The following PTPRG variants were observed in gnomAD, a reference collection of about 807,000 sequenced individuals.
PTPRG encodes receptor-type tyrosine-protein phosphatase gamma.
A neutral mutation model predicts 165.3 loss-of-function variants in PTPRG; 102 were observed. The observed-to-expected ratio is 0.62, with a 90% CI of 0.53 to 0.73. PTPRG has a LOEUF of 0.73. Ranked by LOEUF, PTPRG falls within the 30% of genes least tolerant of loss-of-function variation. The pLI is 0.00. For synonymous variants in PTPRG, 675 were observed against 669.5 expected, an observed-to-expected ratio of 1.01 and a Z score of -0.13; for missense variants, 1,866 against 1,861.4, an observed-to-expected ratio of 1.00 and a Z score of -0.05.
chr3:62,235,026 A>C (rs1700996061), intron 14 of PTPRG, among the ~76,000 whole-genome samples: 1 of 152,098 alleles, frequency 6.6e-6, no homozygotes, highest in Non-Finnish European at 1.5e-5. Context: ...TTAGATCCTT[A>C]AAATATCACT....
intron 5 of PTPRG, among the ~76,000 whole-genome samples, chr3:62,128,072 T>C (rs1219680932): frequency 6.6e-6 from 1 of 152,238 alleles, no homozygotes; most frequent in Admixed American, 6.5e-5. Context: ...CTATATACTT[T>C]GGTTGTATCT....
intron 10 of PTPRG, among the ~76,000 whole-genome samples, chr3:62,199,374 A>C (rs1700043698): frequency 6.6e-6 from 1 of 152,154 alleles, no homozygotes; most frequent in African/African-American, 2.4e-5. Context: ...GGCAGGGGGC[A>C]TGTACACATG....
chr3:61,995,638 CAT>C (rs1208852746), intron 3 of PTPRG, among the ~76,000 whole-genome samples: 1 of 151,336 alleles, frequency 6.6e-6, no homozygotes, highest in Non-Finnish European at 1.5e-5. Flanking sequence ...TGTGTGTCTT[CAT>C]ATGTTTCTGA....
At chr3:61,671,285 G>C (rs1317169478) in intron 1 of PTPRG, among the ~76,000 whole-genome samples, 1 of 151,640 alleles carries the variant, frequency 6.6e-6, no homozygotes, top group Non-Finnish European at 1.5e-5. Flanking sequence ...AGGACCCTGC[G>C]GCCTTCTGCA....
chr3:61,605,494 G>T (rs1453904692), intron 1 of PTPRG, among the ~76,000 whole-genome samples: 6 of 152,052 alleles, frequency 3.9e-5, no homozygotes, highest in Non-Finnish European at 8.8e-5. Flanking sequence ...GACCTCAGGG[G>T]ATCTGTCCAC....
At chr3:61,958,923 C>A (rs746925999) in intron 2 of PTPRG, among the ~76,000 whole-genome samples, 2 of 152,150 alleles carry the variant, frequency 1.3e-5, no homozygotes, top group African/African-American at 4.8e-5. Flanking sequence ...CTCTCACACT[C>A]AAGGCTGGGC....
intron 5 of PTPRG, among the ~76,000 whole-genome samples, chr3:62,127,184 T>C (rs558869243): frequency 6.6e-6 from 1 of 152,332 alleles, no homozygotes; most frequent in South Asian, 2.1e-4. Flanking sequence ...GTGATCTCTT[T>C]CTGGGTAAGG....
intron 5 of PTPRG, among the ~76,000 whole-genome samples, chr3:62,104,514 T>C (rs1444068132): frequency 1.3e-5 from 2 of 152,246 alleles, no homozygotes; most frequent in African/African-American, 4.8e-5. Flanking sequence ...ATTTATTTGC[T>C]CATTCAGTTA....
intron 4 of PTPRG, among the ~76,000 whole-genome samples, chr3:62,004,261 A>G (rs974818118): frequency 1.3e-5 from 2 of 152,178 alleles, no homozygotes; most frequent in Non-Finnish European, 2.9e-5. Context: ...TAGGTCCCCC[A>G]TGTGGTAAGC....
chr3:61,910,225 C>T (rs570299093), intron 2 of PTPRG, among the ~76,000 whole-genome samples: 1 of 152,300 alleles, frequency 6.6e-6, no homozygotes, highest in African/African-American at 2.4e-5. Context: ...TACCCATTCC[C>T]CACAGGGAGA....
At chr3:61,674,476 G>T (rs1366877234) in intron 1 of PTPRG, among the ~76,000 whole-genome samples, 1 of 95,000 alleles carries the variant, frequency 1.1e-5, no homozygotes, top group East Asian at 3.4e-4. Context: ...GATAGAGTGA[G>T]ACTCCATCTC....
At chr3:61,798,503 T>C (rs978885544) in intron 2 of PTPRG, among the ~76,000 whole-genome samples, 4 of 152,320 alleles carry the variant, frequency 2.6e-5, no homozygotes, top group South Asian at 2.1e-4. Flanking sequence ...CTGAGACTTA[T>C]ATCCAAAACA....
chr3:61,890,352 C>A (rs1363881249), intron 2 of PTPRG, among the ~76,000 whole-genome samples: 1 of 149,300 alleles, frequency 6.7e-6, no homozygotes, highest in Admixed American at 6.7e-5. Context: ...CAGCACTTTG[C>A]TGTGCAAGGC....
At position 62,252,595 on chromosome 3, in the gene PTPRG, T is replaced by C. The variant is rs1159254113; in HGVS notation, c.2468-2529T>C. Among the ~76,000 whole-genome samples, 3 of 152,196 alleles carry C rather than the reference T, an allele frequency of 2.0e-5. No homozygotes were observed. Among genetic ancestry groups the C allele is most frequent in the Non-Finnish European group, 4.4e-5 (3 of 68,026 alleles). On this transcript the variant is annotated intron_variant, in intron 15 of 29. Transcript: ENST00000474889. The surrounding 1 kb of genome is among the most constrained non-coding windows in gnomAD (Gnocchi z 4.6). Reference sequence around the variant, plus strand: ...CACACAGGGCCTTTCCAGATAAAAATTGAGCTGATTAGGCCTCTGATGCTG... The same window carrying C: ...CACACAGGGCCTTTCCAGATAAAAACTGAGCTGATTAGGCCTCTGATGCTG...
In PTPRG at chr3:62,213,405, C is replaced by T. The variant is rs748629949; in HGVS notation, c.2156-5446C>T. On this transcript the variant is annotated intron_variant, in intron 12 of 29. Coordinates refer to ENST00000474889, the MANE Select transcript of PTPRG (RefSeq NM_002841.4). This position sits in a 1 kb window ranked among gnomAD's most constrained non-coding sequence, Gnocchi z 4.4. The stretch of plus-strand genomic sequence containing the variant: ...CTTCTCAAAACTCTTTTATAACTTT[C>T]GAATGGGCCCCATGATTTCATTTTG... Among the ~76,000 whole-genome samples the T allele has an allele frequency of 5.3e-5, 8 of 152,122 alleles. No homozygotes were observed. Among genetic ancestry groups the T allele is most frequent in the African/African-American group, 9.7e-5 (4 of 41,408 alleles).
chr3:61,674,798 A>G (rs1299043340), intron 1 of PTPRG, among the ~76,000 whole-genome samples: 1 of 152,206 alleles, frequency 6.6e-6, no homozygotes. Context: ...AGCCAGTGTC[A>G]CTAGGTGATA....
At chr3:61,942,340 A>C (rs1161687736) in intron 2 of PTPRG, among the ~76,000 whole-genome samples, 1 of 152,186 alleles carries the variant, frequency 6.6e-6, no homozygotes, top group Non-Finnish European at 1.5e-5. Context: ...CATTTTCCAA[A>C]CAGCAGAGTT....
chr3:62,054,746 A>G (rs1007835272), intron 4 of PTPRG, among the ~76,000 whole-genome samples: 4 of 152,396 alleles, frequency 2.6e-5, no homozygotes, highest in Admixed American at 6.5e-5. Flanking sequence ...CAGTCTTAAA[A>G]GAACTGCATT....
chr3:62,255,241 T>G lies in PTPRG; in HGVS notation c.2559+26T>G. Reference sequence around the variant, plus strand: ...GTATGTTTCAAGGCTGGAAGTTAACTTCCAGAAACCTAAGTCTTACTTTAT... The same window carrying G: ...GTATGTTTCAAGGCTGGAAGTTAACGTCCAGAAACCTAAGTCTTACTTTAT... On this transcript the variant is annotated intron_variant, in intron 16 of 29. Transcript: ENST00000474889. The surrounding 1 kb of genome is among the most constrained non-coding windows in gnomAD (Gnocchi z 4.0). 1 of 1,565,946 alleles carries G rather than the reference T, an allele frequency of 6.4e-7. No individual in the cohort carries two copies. Among genetic ancestry groups the G allele is most frequent in the Non-Finnish European group, 8.8e-7 (1 of 1,141,926 alleles).
Sources: allele counts gnomAD v4.1 joint callset (sites outside exome capture counted in the v4.1 genomes callset), GRCh38; gene constraint gnomAD v4.1.1; non-coding constraint Gnocchi (gnomAD v3.1); transcripts MANE v1.5; gene names NCBI Gene and HGNC (gene_info 2026-07-23, HGNC 2026-07-21).